The following PPP1R16A variants were observed in gnomAD, a reference collection of about 807,000 sequenced individuals.
The protein encoded by PPP1R16A is myosin phosphatase-targeting subunit 3.
In PPP1R16A, 39 loss-of-function variants were observed where a neutral mutation model predicts 46.6. The observed-to-expected ratio is 0.84, with a 90% confidence interval of 0.65 to 1.09. The LOEUF (loss-of-function observed/expected upper bound fraction) is 1.09. PPP1R16A is among the 50% of genes least tolerant of loss of function. The pLI, the probability that PPP1R16A is intolerant of heterozygous loss-of-function variation, is 0.00. For synonymous variants in PPP1R16A, 413 were observed against 321.5 expected, an observed-to-expected ratio of 1.28 and a Z score of -3.04; for missense variants, 798 against 735.6, an observed-to-expected ratio of 1.08 and a Z score of -0.98.
Position 144,497,010 on chromosome 8 carries a change from C to T in PPP1R16A, c.-185C>T, listed in dbSNP as rs568019069. The T allele has an allele frequency of 3.9e-6, 3 of 771,822 alleles. No homozygotes were observed. The highest frequency in any genetic ancestry group is 6.1e-6 in the Non-Finnish European group (3 of 487,932). 47.8% of individuals were successfully genotyped at this position (771,822 alleles called of 1,614,324 possible). A position where few individuals can be genotyped will look rare whatever the true frequency, so the allele number is the denominator to read the frequency against. ...CCCTCCCTGCCCCGGCCCATGCCCC[C>T]CAGGGCTGCCTGGGCCTGGTTATTG... On this transcript the variant is annotated 5_prime_UTR_variant, in exon 3 of 12. Transcript: ENST00000435887.
In PPP1R16A at chr8:144,497,258, C is replaced by T. The variant is rs1056002801; in HGVS notation, c.64C>T (p.Arg22Trp). 15 of 1,608,510 alleles carry T rather than the reference C, an allele frequency of 9.3e-6. No homozygotes were observed. The highest frequency in any genetic ancestry group is 1.3e-5 in the African/African-American group (1 of 74,966). Residue 22 changes from arginine (R) to tryptophan (W), a missense_variant, in exon 3 of 12, where the codon CGG (arginine) becomes TGG (tryptophan). Physicochemically the swap from Arg to Trp is moderately radical, Grantham distance 101. Coordinates refer to ENST00000435887, the MANE Select transcript of PPP1R16A (RefSeq NM_001329443.2). ...GGTGGGCAGGATGAGCACACAGGAGCGGCTGAAGCATGCCCAGAAGCGGCG... is the reference window on the plus strand; with the variant it reads ...GGTGGGCAGGATGAGCACACAGGAGTGGCTGAAGCATGCCCAGAAGCGGCG... ...PMVGRMSTQE[R>W]LKHAQKRRAQ...
rs749054711 is a variant in PPP1R16A at position 144,501,092 on chromosome 8, C to T, written c.1038-37C>T. 2.5e-6 allele frequency: 4 copies of T among 1,601,064 alleles called. No individual in the cohort carries two copies. The South Asian group carries it at 4.5e-5, about 18-fold the overall frequency. Reference sequence around the variant, plus strand: ...GGGTGGGCGGGGTCCTCCGGGCACTCCCCTTCCCCTCACTCCCTCTCCTCT... The same window carrying T: ...GGGTGGGCGGGGTCCTCCGGGCACTTCCCTTCCCCTCACTCCCTCTCCTCT... On this transcript the variant is annotated intron_variant, in intron 10 of 11. Transcript: ENST00000435887.
At chr8:144,485,442 C>T (rs6422178) in intron 1 of PPP1R16A, among the ~76,000 whole-genome samples, 150,907 of 151,206 alleles carry the variant, frequency 1, 75,315 homozygotes, top group Non-Finnish European at 1. Context: ...GAGAATGGCA[C>T]GAACCCAGGA....
chr8:144,492,173 C>T (rs966285127), intron 2 of PPP1R16A, among the ~76,000 whole-genome samples: 15 of 152,166 alleles, frequency 9.9e-5, no homozygotes, highest in Non-Finnish European at 1.5e-4. Context: ...AGATGCCACC[C>T]GCTGCACTGT....
At position 144,501,874 on chromosome 8, in the gene PPP1R16A, G is replaced by T; in HGVS notation, c.1558G>T (p.Glu520Ter). 1 of 1,539,970 alleles carries T rather than the reference G, an allele frequency of 6.5e-7. No homozygotes were observed. Among genetic ancestry groups the T allele is most frequent in the Non-Finnish European group, 8.7e-7 (1 of 1,143,480 alleles). Reference sequence around the variant, plus strand: ...AGCCCCGGCGGTGGAGGCTCCCGTGGAGAGGAGGCCGTGCTGCCTGCTCAT... The same window carrying T: ...AGCCCCGGCGGTGGAGGCTCCCGTGTAGAGGAGGCCGTGCTGCCTGCTCAT... ...LTAPAVEAPVERRPCCLLM is the reference protein window; with the variant it reads ...LTAPAVEAPV Residue 520 changes from glutamate to a stop codon, truncating the protein, a stop_gained, in exon 12 of 12, where the codon GAG becomes TAG. Transcript: ENST00000435887. LOFTEE classifies it high-confidence loss of function.
Position 144,500,526 on chromosome 8 carries a change from G to T in PPP1R16A, c.745G>T (p.Ala249Ser). 1 of 1,592,850 alleles carries T rather than the reference G, an allele frequency of 6.3e-7. No individual in the cohort carries two copies. The highest frequency in any genetic ancestry group is 1.3e-5 in the African/African-American group (1 of 74,968). Residue 249 changes from alanine (A) to serine (S), a missense_variant, in exon 8 of 12, where the codon GCC becomes TCC. By Grantham distance (99) the Ala-to-Ser change is moderately conservative. Coordinates refer to ENST00000435887, the MANE Select transcript of PPP1R16A (RefSeq NM_001329443.2). ...CGCCAACGGGTTCAGCGAGGCGGCT[G>T]CCCTGCTGCTGGAACACCGAGCCAG... ...AAANGFSEAA[A>S]LLLEHRASLS...
At chr8:144,498,335 C>G (rs1220100125) in intron 3 of PPP1R16A, 2 of 342,880 alleles carry the variant, frequency 5.8e-6, no homozygotes, top group East Asian at 1.5e-4. Flanking sequence ...GGGATGTGCT[C>G]TGGTGGTGGG....
intron 2 of PPP1R16A, among the ~76,000 whole-genome samples, chr8:144,495,056 G>A (rs530708907): frequency 4.6e-5 from 7 of 152,224 alleles, no homozygotes; most frequent in Non-Finnish European, 1.0e-4. Flanking sequence ...TGCTCGGAGG[G>A]AGAGTTACTG....
At chr8:144,478,170 G>C (rs1017138748) in intron 1 of PPP1R16A, 43 bp downstream of exon 1, 1 of 394,194 alleles carries the variant, frequency 2.5e-6, no homozygotes, top group African/African-American at 2.1e-5. Flanking sequence ...AGCGGAGCGA[G>C]GGAGAGGGGC....
chr8:144,500,967 C>G lies in PPP1R16A; in HGVS notation c.1033C>G (p.Arg345Gly). 6.9e-7 allele frequency: 1 copy of G among 1,451,220 alleles called. No individual in the cohort carries two copies. The highest frequency in any genetic ancestry group is 9.0e-7 in the Non-Finnish European group (1 of 1,112,788). 89.9% of individuals were successfully genotyped at this position (1,451,220 alleles called of 1,614,324 possible). A position where few individuals can be genotyped will look rare whatever the true frequency, so the allele number is the denominator to read the frequency against. ...LRRRTSSAGS[R>G]GKVVRRVSLT... is the part of the protein sequence containing the mutation. ...CCGCCGCACCTCCAGCGCCGGCAGC[C>G]GCGGGTGAGCGCCGCCCCCAGCAGG... The change falls in exon 10 of 12, where the codon CGC becomes GGC. Residue 345 changes from arginine to glycine, a missense_variant. Physicochemically the swap from Arg to Gly is moderately radical, Grantham distance 125. Coordinates refer to ENST00000435887, the MANE Select transcript of PPP1R16A (RefSeq NM_001329443.2).
At position 144,497,165 on chromosome 8, in the gene PPP1R16A, G is replaced by C; in HGVS notation, c.-30G>C. 2 of 1,543,558 alleles carry C rather than the reference G, an allele frequency of 1.3e-6. No homozygotes were observed. The highest frequency in any genetic ancestry group is 1.7e-6 in the Non-Finnish European group (2 of 1,147,500). The stretch of plus-strand genomic sequence containing the variant: ...CCCAAGCTCCCCACTCTGGTGCCCC[G>C]AGCAGCCCTGTGGGCAAGCAGCCGC... On this transcript the variant is annotated 5_prime_UTR_variant, in exon 3 of 12. Coordinates refer to ENST00000435887, the MANE Select transcript of PPP1R16A (RefSeq NM_001329443.2).
chr8:144,483,449 G>T (rs777251649), intron 1 of PPP1R16A, among the ~76,000 whole-genome samples: 1 of 152,102 alleles, frequency 6.6e-6, no homozygotes, highest in Non-Finnish European at 1.5e-5. Flanking sequence ...TTGCTCTGTC[G>T]CCCAGGCTGG....
intron 2 of PPP1R16A, chr8:144,495,987 G>A (rs1479987705): frequency 5.9e-5 from 9 of 152,466 alleles, no homozygotes; most frequent in African/African-American, 2.2e-4. Flanking sequence ...TGAGAGGCTG[G>A]GGTATCAGTC....
Position 144,500,293 on chromosome 8 carries a change from G to T in PPP1R16A, c.607G>T (p.Ala203Ser). 1 of 1,546,432 alleles carries T rather than the reference G, an allele frequency of 6.5e-7. No homozygotes were observed. The highest frequency in any genetic ancestry group is 8.7e-7 in the Non-Finnish European group (1 of 1,147,572). The change falls in exon 7 of 12, where the codon GCC becomes TCC. Residue 203 changes from alanine to serine, a missense_variant. Transcript: ENST00000435887. Reference protein sequence around the residue: ...RGITQDSIEAARAVPELRMLD... With the variant: ...RGITQDSIEASRAVPELRMLD... ...CATCACCCAGGACAGCATCGAGGCCGCCCGGGCCGTGCCAGAACTGCGCAT... is the reference window on the plus strand; with the variant it reads ...CATCACCCAGGACAGCATCGAGGCCTCCCGGGCCGTGCCAGAACTGCGCAT...
Position 144,478,106 on chromosome 8 carries a change from G to A in PPP1R16A, c.-935G>A, listed in dbSNP as rs1490609330. 2 of 395,518 alleles carry A rather than the reference G, an allele frequency of 5.1e-6. No individual in the cohort carries two copies. Among genetic ancestry groups the A allele is most frequent in the East Asian group, 7.2e-5 (2 of 27,908 alleles). 24.5% of individuals were successfully genotyped at this position (395,518 alleles called of 1,614,324 possible). ...CGGAAGCCAGCGGACCCACTTGTGC[G>A]GCGGTCGGCGCGGGGCGCGAGGTGA... On this transcript the variant is annotated 5_prime_UTR_variant, in exon 1 of 12. Transcript: ENST00000435887.
chr8:144,501,934 G>T lies in PPP1R16A; in HGVS notation c.*31G>T, dbSNP rs2721198. The T allele has an allele frequency of 4.9e-3, 7,346 of 1,485,696 alleles. 332 individuals carry two copies. In the African/African-American group the frequency reaches 0.092, roughly 19 times the overall value. The allele number at this position is 1,485,696 out of a possible 1,614,324, so 92.0% of individuals were successfully genotyped here. A position where few individuals can be genotyped will look rare whatever the true frequency, so the allele number is the denominator to read the frequency against. On this transcript the variant is annotated 3_prime_UTR_variant, in exon 12 of 12. Coordinates refer to ENST00000435887, the MANE Select transcript of PPP1R16A (RefSeq NM_001329443.2). ...TTGCTCAGCATGCAGGGGCCCTGTC[G>T]CGGGCACAGCCCAAGGCTGCCTCCC...
At chr8:144,484,975 T>C (rs1203479426) in intron 1 of PPP1R16A, among the ~76,000 whole-genome samples, 1 of 152,076 alleles carries the variant, frequency 6.6e-6, no homozygotes, top group Non-Finnish European at 1.5e-5. Flanking sequence ...CTGAGATCAC[T>C]GGGAAAGAGG....
intron 2 of PPP1R16A, among the ~76,000 whole-genome samples, chr8:144,494,141 T>A (rs138674423): frequency 1.1e-4 from 17 of 152,282 alleles, no homozygotes; most frequent in African/African-American, 3.1e-4. Context: ...AATTATTTTT[T>A]AAATAATATA....
intron 1 of PPP1R16A, among the ~76,000 whole-genome samples, chr8:144,488,397 G>A (rs894070896): frequency 1.3e-5 from 2 of 152,214 alleles, no homozygotes; most frequent in South Asian, 4.1e-4. Context: ...TGGGGCTGTG[G>A]GAGCAGGAGG....
Sources: allele counts gnomAD v4.1 joint callset (sites outside exome capture counted in the v4.1 genomes callset), GRCh38; gene constraint gnomAD v4.1.1; transcripts MANE v1.5; gene names NCBI Gene and HGNC (gene_info 2026-07-23, HGNC 2026-07-21).